The following NOX4 variants were observed in gnomAD, a reference collection of about 807,000 sequenced individuals.
The protein encoded by NOX4 is NADPH oxidase 4.
A neutral mutation model predicts 87.6 loss-of-function variants in NOX4; 69 were observed. The observed-to-expected ratio is 0.79, with a 90% CI of 0.65 to 0.96. NOX4 has a LOEUF of 0.96. Among genes scored for constraint, NOX4 ranks in the 40% least tolerant of loss-of-function variants. NOX4 has a pLI of 0.00. For missense variants in NOX4, 680 were observed against 681.5 expected (o/e 1.00, Z 0.02); for synonymous variants, 275 against 238.2 (o/e 1.15, Z -1.42).
At chr11:89,380,708 CA>C (rs1940218181) in intron 11 of NOX4, among the ~76,000 whole-genome samples, 1 of 152,012 alleles carries the variant, frequency 6.6e-6, no homozygotes, top group South Asian at 2.1e-4. Flanking sequence ...GGAAAAAAGC[CA>C]AACTAGAGCA....
At chr11:89,522,022 A>T in the NOX4 span, among the ~76,000 whole-genome samples, 30 of 151,852 alleles carry the variant, frequency 2.0e-4, no homozygotes, top group Admixed American at 3.3e-4. Context: ...GAAAGAAAAA[A>T]CAGCAGATGC....
At chr11:89,522,885 T>C in the NOX4 span, among the ~76,000 whole-genome samples, 1 of 152,096 alleles carries the variant, frequency 6.6e-6, no homozygotes, top group Non-Finnish European at 1.5e-5. Flanking sequence ...TCAAACTAAG[T>C]ATTCCTAGGA....
intron 2 of NOX4, among the ~76,000 whole-genome samples, chr11:89,474,075 G>GA (rs1946063504): frequency 2.0e-5 from 3 of 152,106 alleles, no homozygotes; most frequent in African/African-American, 7.2e-5. Context: ...CAGTTGTTGG[G>GA]AAAATAACGT....
At chr11:89,433,230 A>C (rs1003839794) in intron 6 of NOX4, among the ~76,000 whole-genome samples, 3 of 152,102 alleles carry the variant, frequency 2.0e-5, no homozygotes, top group Admixed American at 6.6e-5. Context: ...ATTATTGCTT[A>C]CTATAGTCAT....
chr11:89,443,327 G>T (rs995596782), intron 5 of NOX4: 2 of 151,792 alleles, frequency 1.3e-5, no homozygotes, highest in Non-Finnish European at 1.5e-5. Flanking sequence ...ATGTGGAGGG[G>T]AAAAAGGAGT....
chr11:89,548,102 G>C, the NOX4 span: 53 of 152,046 alleles, frequency 3.5e-4, no homozygotes, highest in African/African-American at 1.3e-3. Context: ...GGAAAAAAGT[G>C]ACTGATCTAG....
At chr11:89,531,999 TAAAAGAGTTG>T in the NOX4 span, among the ~76,000 whole-genome samples, 1 of 151,956 alleles carries the variant, frequency 6.6e-6, no homozygotes, top group Non-Finnish European at 1.5e-5. Flanking sequence ...TGTGCAAAGA[TAAAAGAGTTG>T]GGCTTCGGGA....
At chr11:89,386,158 G>C (rs1345264191) in intron 11 of NOX4, among the ~76,000 whole-genome samples, 1 of 152,242 alleles carries the variant, frequency 6.6e-6, no homozygotes, top group East Asian at 1.9e-4. Context: ...GGATGCTACA[G>C]GGTATAGCCT....
At chr11:89,433,780 C>G (rs1591234983) in intron 6 of NOX4, among the ~76,000 whole-genome samples, 1 of 151,806 alleles carries the variant, frequency 6.6e-6, no homozygotes, top group African/African-American at 2.4e-5. Context: ...ATAAAATGTG[C>G]AAATATATTG....
At chr11:89,387,323 C>T (rs1827431) in intron 11 of NOX4, among the ~76,000 whole-genome samples, 14,003 of 151,968 alleles carry the variant, frequency 0.092, 785 homozygotes, top group South Asian at 0.19. Flanking sequence ...ATTCCTTCTC[C>T]TGGCTCAGAA....
intron 8 of NOX4, among the ~76,000 whole-genome samples, chr11:89,403,698 A>T (rs1409317010): frequency 6.6e-6 from 1 of 152,122 alleles, no homozygotes; most frequent in Non-Finnish European, 1.5e-5. Context: ...CCCTGAGATC[A>T]CACCATTGCA....
Position 89,440,685 on chromosome 11 carries a change from T to C in NOX4, c.475+3A>G, listed in dbSNP as rs772215330. On this transcript the variant is annotated splice_donor_region_variant and intron_variant, in intron 6 of 17. Coordinates refer to ENST00000263317, the MANE Select transcript of NOX4 (RefSeq NM_016931.5). Reference sequence around the variant, plus strand: ...AAAGAAAAGGCTAAGAATAACAACTTACCAGTTGTGAAGAGAAGTTTTCTA... The same window carrying C: ...AAAGAAAAGGCTAAGAATAACAACTCACCAGTTGTGAAGAGAAGTTTTCTA... 3.2e-6 allele frequency: 5 copies of C among 1,547,648 alleles called. No individual in the cohort carries two copies. In the Admixed American group the frequency reaches 9.3e-5, roughly 29 times the overall value.
intron 12 of NOX4, among the ~76,000 whole-genome samples, chr11:89,355,926 T>C (rs370905040): frequency 1.3e-5 from 2 of 152,064 alleles, no homozygotes; most frequent in Non-Finnish European, 2.9e-5. Context: ...CATGAGAGAA[T>C]GGACATTTGT....
chr11:89,535,812 A>G, the NOX4 span, among the ~76,000 whole-genome samples: 1 of 152,236 alleles, frequency 6.6e-6, no homozygotes, highest in African/African-American at 2.4e-5. Context: ...CCACACTGTC[A>G]TAATATATTA....
chr11:89,515,880 T>G, the NOX4 span, among the ~76,000 whole-genome samples: 19 of 151,998 alleles, frequency 1.3e-4, no homozygotes. Context: ...GCAAAAAAAT[T>G]ACCTGAAAAT....
chr11:89,389,627 T>C (rs1032786223), intron 11 of NOX4, among the ~76,000 whole-genome samples: 7 of 152,184 alleles, frequency 4.6e-5, no homozygotes, highest in African/African-American at 1.7e-4. Context: ...ATTTGTGCTT[T>C]CAATAAACCT....
At chr11:89,438,331 A>G (rs1374448086) in intron 6 of NOX4, among the ~76,000 whole-genome samples, 3 of 123,364 alleles carry the variant, frequency 2.4e-5, no homozygotes, top group African/African-American at 9.3e-5. Context: ...TATATAGTAT[A>G]TATCATTATA....
At chr11:89,459,170 C>T (rs1306736308) in intron 2 of NOX4, among the ~76,000 whole-genome samples, 1 of 151,806 alleles carries the variant, frequency 6.6e-6, no homozygotes, top group Admixed American at 6.6e-5. Context: ...ATATGAATGG[C>T]CTGGAGATGA....
intron 11 of NOX4, 55 bp from the exon 12 acceptor site, chr11:89,373,547 T>C (rs1939616077): frequency 9.0e-7 from 1 of 1,112,272 alleles, no homozygotes; most frequent in African/African-American, 1.6e-5. Flanking sequence ...TATGAAATTA[T>C]AATTCAATTA....
Sources: allele counts gnomAD v4.1 joint callset (sites outside exome capture counted in the v4.1 genomes callset), GRCh38; gene constraint gnomAD v4.1.1; transcripts MANE v1.5; gene names NCBI Gene and HGNC (gene_info 2026-07-23, HGNC 2026-07-21).